TMC2: variants seen among roughly 807,000 people sequenced by gnomAD.
The protein encoded by TMC2 is transmembrane channel-like protein 2.
Under a neutral mutation model 105.9 loss-of-function variants are expected in TMC2, and 102 were observed. The ratio of observed to expected loss-of-function variants is 0.96; its 90% CI spans 0.82 to 1.14. The LOEUF (loss-of-function observed/expected upper bound fraction) is 1.14. TMC2 is among the 50% of genes most tolerant of loss of function. The pLI is 0.00. For synonymous variants in TMC2, 402 were observed against 422.8 expected (o/e 0.95, Z 0.60); for missense variants, 1,093 against 1,134.3 (o/e 0.96, Z 0.52).
Position 2,558,395 on chromosome 20 carries a change from G to A in TMC2, c.83-61G>A. ...TGGACGTCTGATTTCTCACGGCCGG[G>A]GACATTTTCCTGGGCCTGAGGCCGT... On this transcript the variant is annotated intron_variant, in intron 2 of 19. Transcript: ENST00000358864. The surrounding 1 kb of genome is among the most constrained non-coding windows in gnomAD (Gnocchi z 4.6). The A allele has an allele frequency of 6.5e-7, 1 of 1,544,430 alleles. No homozygotes were observed. Among genetic ancestry groups the A allele is most frequent in the South Asian group, 1.2e-5 (1 of 83,404 alleles).
chr20:2,611,859 TGG>T, intron 12 of TMC2, among the ~76,000 whole-genome samples: 1 of 103,664 alleles, frequency 9.6e-6, no homozygotes, highest in African/African-American at 4.2e-5. Context: ...GATGGATGGA[TGG>T]ATGGATGGGT....
chr20:2,544,104 C>T (rs1216439547), intron 2 of TMC2, among the ~76,000 whole-genome samples: 4 of 142,890 alleles, frequency 2.8e-5, no homozygotes, highest in Non-Finnish European at 4.5e-5. Flanking sequence ...TTAGTAGAGA[C>T]GGGGTTTCAC....
chr20:2,586,970 G>A (rs915489636), intron 7 of TMC2, among the ~76,000 whole-genome samples: 8 of 152,060 alleles, frequency 5.3e-5, no homozygotes, highest in African/African-American at 1.9e-4. Flanking sequence ...AAAGATTGGT[G>A]GCATTTTTTA....
Position 2,637,485 on chromosome 20 carries a change from T to A in TMC2, c.2397T>A (p.Val799=), listed in dbSNP as rs375504771. Residue 799 remains valine (V), a synonymous_variant, in exon 19 of 20, where the codon GTT becomes GTA. Transcript: ENST00000358864. ...ATTATTTCCTGCAGCTCCGTGAAGT[T>A]GAGAAGAGTCACAAATCTGTAAAAG... ...LRKKIQVLRE[V]EKSHKSVKGK... 1.2e-6 allele frequency: 2 copies of A among 1,612,382 alleles called. No homozygotes were observed. The highest frequency in any genetic ancestry group is 1.7e-6 in the Non-Finnish European group (2 of 1,178,730).
At chr20:2,564,150 C>CCTTTTTT (rs757939074) in intron 4 of TMC2, among the ~76,000 whole-genome samples, 1 of 120,076 alleles carries the variant, frequency 8.3e-6, no homozygotes, top group African/African-American at 3.3e-5. Context: ...TCAGCCTCCT[C>CCTTTTTT]TTTTTTTTTT....
At chr20:2,627,748 C>A (rs1367884196) in intron 17 of TMC2, among the ~76,000 whole-genome samples, 1 of 152,262 alleles carries the variant, frequency 6.6e-6, no homozygotes, top group East Asian at 1.9e-4. Flanking sequence ...GAGAGCTGGA[C>A]CAATACAAGT....
intron 13 of TMC2, 86 bp downstream of exon 13, chr20:2,612,426 C>T: frequency 7.7e-7 from 1 of 1,292,932 alleles, no homozygotes; most frequent in Non-Finnish European, 1.0e-6. Context: ...GAGGAATAAC[C>T]CTGAAAACTT....
At chr20:2,613,653 T>C (rs1360970396) in intron 14 of TMC2, 3 of 343,724 alleles carry the variant, frequency 8.7e-6, no homozygotes, top group African/African-American at 2.1e-5. Flanking sequence ...ACTCTCATTA[T>C]GGGGGCTGAA....
In TMC2 at chr20:2,549,191, T is replaced by C. The variant is rs1006899075; in HGVS notation, c.83-9265T>C. Among the ~76,000 whole-genome samples the C allele has an allele frequency of 2.6e-5, 4 of 152,094 alleles. No individual in the cohort carries two copies. The South Asian group carries it at 6.2e-4, about 24-fold the overall frequency. On this transcript the variant is annotated intron_variant, in intron 2 of 19. Coordinates refer to ENST00000358864, the MANE Select transcript of TMC2 (RefSeq NM_080751.3). ...CTCTCTCAGCCTCCCAAGTAGCTAG[T>C]ACTATCGGCACTTACCACTATCCTG...
intron 7 of TMC2, among the ~76,000 whole-genome samples, chr20:2,584,260 C>T (rs867668792): frequency 2.7e-4 from 41 of 151,178 alleles, no homozygotes; most frequent in Non-Finnish European, 4.4e-4. Flanking sequence ...CCGGCTAACA[C>T]GGTGAAACCC....
chr20:2,558,262 C>A lies in TMC2; in HGVS notation c.83-194C>A, dbSNP rs766372873. ...CCAGAGAGTGACCTTCCTGCTTCTG[C>A]AGTTTTCTTAGTTTCCTTCAGCTTA... On this transcript the variant is annotated intron_variant, in intron 2 of 19. Transcript: ENST00000358864. The surrounding 1 kb of genome is among the most constrained non-coding windows in gnomAD (Gnocchi z 4.6). 11 of 1,346,776 alleles carry A rather than the reference C, an allele frequency of 8.2e-6. No homozygotes were observed. Among genetic ancestry groups the A allele is most frequent in the Non-Finnish European group, 1.1e-5 (11 of 1,014,590 alleles). The allele number at this position is 1,346,776 out of a possible 1,614,324, so 83.4% of individuals were successfully genotyped here. A position where few individuals can be genotyped will look rare whatever the true frequency, so the allele number is the denominator to read the frequency against.
intron 11 of TMC2, among the ~76,000 whole-genome samples, chr20:2,603,225 A>G (rs988691141): frequency 7.0e-6 from 1 of 143,080 alleles, no homozygotes; most frequent in African/African-American, 2.6e-5. Context: ...AGCCCAGTTT[A>G]AAAAAAAAAA....
chr20:2,568,210 A>G (rs1054372804), intron 4 of TMC2, among the ~76,000 whole-genome samples: 2 of 152,248 alleles, frequency 1.3e-5, no homozygotes, highest in African/African-American at 4.8e-5. Context: ...TCAAACTTCT[A>G]AAAACTTGTA....
At chr20:2,594,745 T>A (rs2086292924) in intron 8 of TMC2, 80 bp from the exon 9 acceptor site, 4 of 1,446,482 alleles carry the variant, frequency 2.8e-6, no homozygotes, top group Non-Finnish European at 2.8e-6. Flanking sequence ...GAGAAAGAAA[T>A]CCCTGGTAGA....
In TMC2 at chr20:2,545,835, A is replaced by AAGAAAGAC. The variant is rs1306831424; in HGVS notation, c.82+8526_82+8527insCAGAAAGA. Reference sequence around the variant, plus strand: ...GAAGAGGAAGAGGAAGAAAGAAAGAAAGAAAGAAAGAAAGAAAGAGAAAGA... The same window carrying AAGAAAGAC: ...GAAGAGGAAGAGGAAGAAAGAAAGAAAGAAAGACAGAAAGAAAGAAAGAAAGAGAAAGA... On this transcript the variant is annotated intron_variant, in intron 2 of 19. Transcript: ENST00000358864. Among the ~76,000 whole-genome samples, 16 of 148,104 alleles carry AAGAAAGAC rather than the reference A, an allele frequency of 1.1e-4. 1 individual carries two copies. Among genetic ancestry groups the AAGAAAGAC allele is most frequent in the African/African-American group, 3.9e-4 (15 of 38,376 alleles).
At chr20:2,600,399 C>T (rs973864214) in intron 10 of TMC2, among the ~76,000 whole-genome samples, 3 of 152,098 alleles carry the variant, frequency 2.0e-5, no homozygotes, top group Non-Finnish European at 4.4e-5. Flanking sequence ...AGTTTAAGGC[C>T]AGGCACAGTG....
chr20:2,555,559 T>C (rs1028682121), intron 2 of TMC2, among the ~76,000 whole-genome samples: 1 of 152,224 alleles, frequency 6.6e-6, no homozygotes, highest in African/African-American at 2.4e-5. Flanking sequence ...AGACAGCATA[T>C]ACTTGGGTCT....
rs1324896821 is a variant in TMC2, at chr20:2,629,712, TAGTC to T, written c.2306+5319_2306+5322del. On this transcript the variant is annotated intron_variant, in intron 17 of 19. Coordinates refer to ENST00000358864, the MANE Select transcript of TMC2 (RefSeq NM_080751.3). Reference sequence around the variant, plus strand: ...AGATTTCAGCCAGCAGTCACCCCCTTAGTCAGGTGCCTTTTATGCAGTAAACAGC... The same window carrying T: ...AGATTTCAGCCAGCAGTCACCCCCTTAGGTGCCTTTTATGCAGTAAACAGC... Among the ~76,000 whole-genome samples the T allele has an allele frequency of 3.3e-5, 5 of 152,196 alleles. No homozygotes were observed. The East Asian group carries it at 9.6e-4, about 29-fold the overall frequency.
intron 2 of TMC2, among the ~76,000 whole-genome samples, chr20:2,538,842 G>T (rs1210854696): frequency 1.3e-5 from 2 of 152,132 alleles, no homozygotes; most frequent in African/African-American, 4.8e-5. Flanking sequence ...CCCCATGAAG[G>T]TTTCCATTTT....
Sources: gnomAD v4.1 joint callset for allele counts (sites outside exome capture counted in the v4.1 genomes callset) on GRCh38, gnomAD v4.1.1 for gene constraint, Gnocchi (gnomAD v3.1) non-coding constraint, MANE v1.5 for transcripts, NCBI Gene and HGNC (gene_info 2026-07-23, HGNC 2026-07-21) for gene names.